The following NCKAP5 variants were observed in gnomAD, a reference collection of about 807,000 sequenced individuals.
The protein encoded by NCKAP5 is nck-associated protein 5.
NCKAP5 carries 92 observed loss-of-function variants against 167.0 expected under a neutral mutation model. That is an observed-to-expected ratio of 0.55 (90% CI 0.47 to 0.66). The LOEUF (loss-of-function observed/expected upper bound fraction) is 0.66. Ranked by LOEUF, NCKAP5 falls within the 30% of genes least tolerant of loss-of-function variation. NCKAP5 has a pLI of 0.00. For synonymous variants in NCKAP5, 891 were observed against 877.4 expected (o/e 1.02, Z -0.27); for missense variants, 2,378 against 2,315.0 (o/e 1.03, Z -0.56).
intron 18 of NCKAP5, among the ~76,000 whole-genome samples, chr2:132,725,993 T>C (rs1346229479): frequency 6.6e-6 from 1 of 152,148 alleles, no homozygotes; most frequent in Admixed American, 6.5e-5. Flanking sequence ...AGGCCTGCAA[T>C]AATGAAGCTG....
chr2:133,546,460 A>G (rs1321142294), intron 2 of NCKAP5, among the ~76,000 whole-genome samples: 3 of 152,132 alleles, frequency 2.0e-5, no homozygotes. Flanking sequence ...CTGCTCATGT[A>G]TACTCCACTT....
intron 3 of NCKAP5, among the ~76,000 whole-genome samples, chr2:133,421,840 T>G (rs1689497220): frequency 6.6e-6 from 1 of 152,200 alleles, no homozygotes; most frequent in African/African-American, 2.4e-5. Flanking sequence ...TTAACTACGC[T>G]GTCAAGTCAC....
chr2:133,212,537 T>G (rs150842093), intron 5 of NCKAP5, among the ~76,000 whole-genome samples: 2,033 of 152,214 alleles, frequency 0.013, 50 homozygotes, highest in African/African-American at 0.046. Context: ...CCAGCTAATT[T>G]TTGTATTTTT....
At chr2:133,446,426 C>A (rs902925903) in intron 3 of NCKAP5, among the ~76,000 whole-genome samples, 1 of 152,182 alleles carries the variant, frequency 6.6e-6, no homozygotes, top group Non-Finnish European at 1.5e-5. Context: ...AAGCCCTTTT[C>A]GTGTAATAAC....
At chr2:132,918,488 T>G (rs1470837713) in intron 8 of NCKAP5, among the ~76,000 whole-genome samples, 2 of 152,218 alleles carry the variant, frequency 1.3e-5, no homozygotes, top group Admixed American at 1.3e-4. Context: ...TTGTAATTTT[T>G]TTTTATAGCC....
chr2:133,208,278 C>T (rs1352325624), intron 5 of NCKAP5, among the ~76,000 whole-genome samples: 2 of 152,064 alleles, frequency 1.3e-5, no homozygotes, highest in African/African-American at 2.4e-5. Context: ...GGAGAGGCTG[C>T]AGAGAGCTGA....
intron 19 of NCKAP5, among the ~76,000 whole-genome samples, chr2:132,678,201 A>T (rs1684749286): frequency 6.6e-6 from 1 of 152,196 alleles, no homozygotes; most frequent in South Asian, 2.1e-4. Context: ...CTTCAAAGAG[A>T]TACATGTTAT....
intron 16 of NCKAP5, among the ~76,000 whole-genome samples, chr2:132,766,278 C>CAAAAAAAA: frequency 2.6e-5 from 1 of 38,408 alleles, no homozygotes; most frequent in Non-Finnish European, 4.9e-5. Flanking sequence ...GATTCTGTCT[C>CAAAAAAAA]AAAAAAAAAA....
the NCKAP5 span, among the ~76,000 whole-genome samples, chr2:133,587,390 C>G: frequency 6.6e-6 from 1 of 152,192 alleles, no homozygotes; most frequent in Admixed American, 6.5e-5. Context: ...TTAACTGCCT[C>G]AAGCCTGCTT....
At chr2:133,471,110 A>G (rs540075922) in intron 3 of NCKAP5, among the ~76,000 whole-genome samples, 26 of 152,276 alleles carry the variant, frequency 1.7e-4, no homozygotes, top group Admixed American at 9.8e-4. Flanking sequence ...GAAACTCGGG[A>G]TTACACTTTT....
chr2:132,734,236 G>C (rs370245803), intron 16 of NCKAP5, among the ~76,000 whole-genome samples: 22 of 152,236 alleles, frequency 1.4e-4, no homozygotes, highest in African/African-American at 4.8e-4. Flanking sequence ...GTTTGCATGG[G>C]GAGGCACTGC....
chr2:132,708,870 G>T, intron 19 of NCKAP5, among the ~76,000 whole-genome samples: 1 of 151,908 alleles, frequency 6.6e-6, no homozygotes, highest in East Asian at 1.9e-4. Context: ...GTTGTATTTT[G>T]GCTTTTAATT....
At chr2:133,043,918 T>G (rs1469699050) in intron 6 of NCKAP5, among the ~76,000 whole-genome samples, 1 of 151,782 alleles carries the variant, frequency 6.6e-6, no homozygotes, top group African/African-American at 2.4e-5. Flanking sequence ...GTGATACTGA[T>G]AGTACAGCAG....
At chr2:132,913,088 T>A (rs1034466067) in intron 8 of NCKAP5, among the ~76,000 whole-genome samples, 1 of 151,928 alleles carries the variant, frequency 6.6e-6, no homozygotes, top group Admixed American at 6.5e-5. Context: ...CAATAAATTA[T>A]TCAGCTACCA....
At chr2:133,017,105 G>A (rs1271512197) in intron 6 of NCKAP5, among the ~76,000 whole-genome samples, 3 of 152,090 alleles carry the variant, frequency 2.0e-5, no homozygotes, top group Non-Finnish European at 1.5e-5. Context: ...TAATATGAAC[G>A]ATGTCTGCAG....
chr2:132,944,170 G>T (rs1000404201), intron 8 of NCKAP5, among the ~76,000 whole-genome samples: 1 of 152,156 alleles, frequency 6.6e-6, no homozygotes, highest in Non-Finnish European at 1.5e-5. Flanking sequence ...GAAATGTTTT[G>T]GGGGCAGGGG....
At chr2:132,674,826 T>C (rs1684222330) in intron 19 of NCKAP5, among the ~76,000 whole-genome samples, 1 of 152,194 alleles carries the variant, frequency 6.6e-6, no homozygotes, top group African/African-American at 2.4e-5. Flanking sequence ...TTCATTATAC[T>C]ACTAACGTGC....
At position 133,403,770 on chromosome 2, in the gene NCKAP5, G is replaced by A. The variant is rs140759252; in HGVS notation, c.70-100660C>T. 5.9e-3 allele frequency among the ~76,000 whole-genome samples: 897 copies of A among 152,262 alleles called. 11 individuals are homozygous for A. Among genetic ancestry groups the A allele is most frequent in the African/African-American group, 0.02 (849 of 41,542 alleles). On this transcript the variant is annotated intron_variant, in intron 3 of 19. Coordinates refer to ENST00000409261, the MANE Select transcript of NCKAP5 (RefSeq NM_207363.3). ...TTCCACCAGTCCCAAATTCCCTTCT[G>A]AGTAAAAGGTAGTATAGAGGGTTAG...
At chr2:133,181,905 G>T (rs1161986309) in intron 5 of NCKAP5, among the ~76,000 whole-genome samples, 1 of 152,094 alleles carries the variant, frequency 6.6e-6, no homozygotes, top group East Asian at 1.9e-4. Context: ...TATAGATAGG[G>T]TTAAAAGTAA....
Sources: gnomAD v4.1 joint callset for allele counts (sites outside exome capture counted in the v4.1 genomes callset) on GRCh38, gnomAD v4.1.1 for gene constraint, MANE v1.5 for transcripts, NCBI Gene and HGNC (gene_info 2026-07-23, HGNC 2026-07-21) for gene names.